PRODH2: variants seen among roughly 807,000 people sequenced by gnomAD.
PRODH2 encodes hydroxyproline dehydrogenase.
PRODH2 carries 49 observed loss-of-function variants against 51.9 expected under a neutral mutation model. The ratio of observed to expected loss-of-function variants is 0.94; its 90% CI spans 0.75 to 1.20. The LOEUF is 1.20. PRODH2 is among the 50% of genes most tolerant of loss of function. PRODH2 has a pLI of 0.00. For missense variants in PRODH2, 597 were observed against 610.9 expected, an observed-to-expected ratio of 0.98 and a Z score of 0.24; for synonymous variants, 249 against 260.7, an observed-to-expected ratio of 0.96 and a Z score of 0.43.
intron 7 of PRODH2, among the ~76,000 whole-genome samples, chr19:35,805,391 C>A (rs1972496240): frequency 1.3e-5 from 2 of 152,040 alleles, no homozygotes; most frequent in South Asian, 4.2e-4. Flanking sequence ...CTCAGCCTCC[C>A]AAGTAGCTGG....
At chr19:35,811,863 C>A (rs984497923) in intron 4 of PRODH2, 99 bp downstream of exon 4, 2 of 1,201,666 alleles carry the variant, frequency 1.7e-6, no homozygotes, top group Non-Finnish European at 2.4e-6. Flanking sequence ...CTGTTCCAAG[C>A]CTGGAGGTGG....
chr19:35,803,177 C>G, intron 7 of PRODH2, 99 bp from the exon 8 acceptor site: 1 of 689,610 alleles, frequency 1.5e-6, no homozygotes, highest in Admixed American at 3.0e-5. Context: ...TCTCTGGAAC[C>G]AGTACTCTGT....
chr19:35,806,482 G>A lies in PRODH2; in HGVS notation c.949C>T (p.Leu317Phe). The stretch of plus-strand genomic sequence containing the variant: ...TGAGTGGGGTCTTCCATCCCATGGA[G>A]CTGGGCCACCGCTCTCTCCTTGTCC... ...YLDKERAVAQ[L>F]HGMEDPTQPD... The change falls in exon 7 of 10, where the codon CTC becomes TTC. Residue 317 changes from leucine to phenylalanine, a missense_variant. Coordinates refer to ENST00000653904, the MANE Select transcript of PRODH2 (RefSeq NM_021232.2). 1 of 1,614,156 alleles carries A rather than the reference G, an allele frequency of 6.2e-7. No individual in the cohort carries two copies. The highest frequency in any genetic ancestry group is 8.5e-7 in the Non-Finnish European group (1 of 1,180,040).
At chr19:35,802,106 G>T in intron 9 of PRODH2, 85 bp downstream of exon 9, 4 of 1,264,254 alleles carry the variant, frequency 3.2e-6, no homozygotes, top group Non-Finnish European at 4.6e-6. Context: ...TGGAGGCTGG[G>T]CCTTGGTTGG....
At chr19:35,811,457 A>AAGGAAGGGAGGGAGGGAGGG (rs1555756304) in intron 4 of PRODH2, among the ~76,000 whole-genome samples, 4 of 93,130 alleles carry the variant, frequency 4.3e-5, no homozygotes, top group African/African-American at 2.1e-4. Flanking sequence ...GGAAGGAAGG[A>AAGGAAGGGAGGGAGGGAGGG]AGGGAGGGAG....
rs1183794387 is a variant in PRODH2, at chr19:35,807,049, C to T, written c.670G>A (p.Val224Met). Residue 224 changes from valine (V) to methionine (M), a missense_variant, in exon 5 of 10, where the codon GTG (valine) becomes ATG (methionine). Physicochemically the swap from Val to Met is conservative, Grantham distance 21. Coordinates refer to ENST00000653904, the MANE Select transcript of PRODH2 (RefSeq NM_021232.2). ...LRASLSRLHR[V>M]AQYARAQHVR... ...CCAGCAGGAGGGGTTACCTGTGCCA[C>T]CCGATGCAGGCGGCTGAGGGAGGCC... 6.4e-7 allele frequency: 1 copy of T among 1,551,406 alleles called. No homozygotes were observed. The highest frequency in any genetic ancestry group is 8.7e-7 in the Non-Finnish European group (1 of 1,147,516).
Position 35,809,972 on chromosome 19 carries a change from A to C in PRODH2, c.597+1990T>G, listed in dbSNP as rs1221664584. 5.2e-5 allele frequency among the ~76,000 whole-genome samples: 7 copies of C among 133,596 alleles called. No homozygotes were observed. In the East Asian group the frequency reaches 8.9e-4, roughly 17 times the overall value. The allele number at this position is 133,596 out of a possible 152,430, so 87.6% of individuals were successfully genotyped here. A position where few individuals can be genotyped will look rare whatever the true frequency, so the allele number is the denominator to read the frequency against. On this transcript the variant is annotated intron_variant, in intron 4 of 9. Coordinates refer to ENST00000653904, the MANE Select transcript of PRODH2 (RefSeq NM_021232.2). The stretch of plus-strand genomic sequence containing the variant: ...AGATGCCGCTTCAAAAAAAAAAAAA[A>C]AAAAAAAAAAAAACGCTGGGCGTGG...
intron 7 of PRODH2, among the ~76,000 whole-genome samples, chr19:35,805,054 G>C (rs1972489881): frequency 6.6e-6 from 1 of 152,100 alleles, no homozygotes; most frequent in African/African-American, 2.4e-5. Context: ...TAGGTTAGTG[G>C]TTTCCAGGGG....
intron 7 of PRODH2, 62 bp downstream of exon 7, chr19:35,806,368 G>C (rs1368101149): frequency 5.0e-6 from 8 of 1,588,380 alleles, no homozygotes; most frequent in Non-Finnish European, 6.0e-6. Flanking sequence ...ACAGGTATGA[G>C]CCACTGCACC....
chr19:35,812,084 C>T, intron 3 of PRODH2, 36 bp from the exon 4 acceptor site: 1 of 1,613,760 alleles, frequency 6.2e-7, no homozygotes, highest in Non-Finnish European at 8.5e-7. Context: ...GTGAGGGGAG[C>T]CCGATGGGCA....
intron 9 of PRODH2, among the ~76,000 whole-genome samples, chr19:35,801,555 G>A (rs929945318): frequency 7.9e-5 from 12 of 152,122 alleles, no homozygotes; most frequent in African/African-American, 2.9e-4. Flanking sequence ...TGCCCCAAAA[G>A]CAAAACCGAG....
Position 35,800,085 on chromosome 19 carries a change from C to T in PRODH2, c.1336G>A (p.Glu446Lys), listed in dbSNP as rs911081774. 2 of 1,612,192 alleles carry T rather than the reference C, an allele frequency of 1.2e-6. No homozygotes were observed. Among genetic ancestry groups the T allele is most frequent in the Non-Finnish European group, 1.7e-6 (2 of 1,179,392 alleles). ...ARREQELLSQELWRRLLPGCR... is the reference protein window; with the variant it reads ...ARREQELLSQKLWRRLLPGCR... ...CCTGGCAGCAGCCGCCGCCACAGTT[C>T]TTGGCTGAGCAGCTCCTGTTCCCTG... The change falls in exon 10 of 10, where the codon GAA becomes AAA. Residue 446 changes from glutamate (E) to lysine (K), a missense_variant. Coordinates refer to ENST00000653904, the MANE Select transcript of PRODH2 (RefSeq NM_021232.2).
intron 9 of PRODH2, 56 bp from the exon 10 acceptor site, chr19:35,800,278 C>G: frequency 3.5e-6 from 5 of 1,443,852 alleles, no homozygotes; most frequent in Non-Finnish European, 4.6e-6. Flanking sequence ...GAGACAGAGT[C>G]TCGCTCTGTT....
Position 35,806,550 on chromosome 19 carries a change from G to A in PRODH2, c.881C>T (p.Ala294Val), listed in dbSNP as rs972081920. 1 of 1,614,110 alleles carries A rather than the reference G, an allele frequency of 6.2e-7. No homozygotes were observed. The highest frequency in any genetic ancestry group is 1.7e-5 in the Admixed American group (1 of 60,016). The change falls in exon 7 of 10, where the codon GCC (alanine) becomes GTC (valine). Residue 294 changes from alanine (A) to valine (V), a missense_variant. Coordinates refer to ENST00000653904, the MANE Select transcript of PRODH2 (RefSeq NM_021232.2). Reference sequence around the variant, plus strand: ...CAGCTTCACTCCGAAGGCCAGGCCGGCCCTGTGCGCAGCCTCTGCATCCCT... The same window carrying A: ...CAGCTTCACTCCGAAGGCCAGGCCGACCCTGTGCGCAGCCTCTGCATCCCT... ...LGRDAEAAHR[A>V]GLAFGVKLVR...
At chr19:35,802,166 G>A in intron 9 of PRODH2, 25 bp downstream of exon 9, 1 of 1,607,264 alleles carries the variant, frequency 6.2e-7, no homozygotes, top group Admixed American at 1.7e-5. Context: ...GGGGCTTGAT[G>A]GGGGTGGGGG....
At chr19:35,808,143 C>T (rs1370123017) in intron 4 of PRODH2, among the ~76,000 whole-genome samples, 1 of 152,210 alleles carries the variant, frequency 6.6e-6, no homozygotes, top group Non-Finnish European at 1.5e-5. Flanking sequence ...CGGCCCCTAG[C>T]ACCGTGTCTG....
intron 7 of PRODH2, among the ~76,000 whole-genome samples, chr19:35,806,185 A>G (rs967828960): frequency 7.2e-5 from 11 of 152,134 alleles, no homozygotes; most frequent in Non-Finnish European, 1.5e-4. Flanking sequence ...TCCTGGCCTC[A>G]AGTGATCCTC....
chr19:35,802,963 C>T lies in PRODH2; in HGVS notation c.1112+5G>A. ...CTATTTCCCGCCCATCCCTCCACCT[C>T]ATACCGCTTGGTTGCCTGGCGAACA... On this transcript the variant is annotated splice_donor_5th_base_variant and intron_variant, in intron 8 of 9. Coordinates refer to ENST00000653904, the MANE Select transcript of PRODH2 (RefSeq NM_021232.2). 1.9e-6 allele frequency: 3 copies of T among 1,542,032 alleles called. No homozygotes were observed. Among genetic ancestry groups the T allele is most frequent in the Non-Finnish European group, 2.6e-6 (3 of 1,135,290 alleles).
intron 4 of PRODH2, among the ~76,000 whole-genome samples, chr19:35,811,306 A>G (rs1007350791): frequency 5.3e-5 from 8 of 151,326 alleles, no homozygotes; most frequent in Admixed American, 4.0e-4. Context: ...TAATCCCAGA[A>G]CTTTGGGGGG....
Sources: gnomAD v4.1 joint callset for allele counts (sites outside exome capture counted in the v4.1 genomes callset) on GRCh38, gnomAD v4.1.1 for gene constraint, MANE v1.5 for transcripts, NCBI Gene and HGNC (gene_info 2026-07-23, HGNC 2026-07-21) for gene names.